The following TBC1D5 variants were observed in gnomAD, a reference collection of about 807,000 sequenced individuals.
TBC1D5 encodes the protein TBC1 domain family member 5.
TBC1D5 carries 75 observed loss-of-function variants against 100.3 expected under a neutral mutation model. The observed-to-expected ratio is 0.75, with a 90% CI of 0.62 to 0.91. The LOEUF is 0.91. Among genes scored for constraint, TBC1D5 ranks in the 40% least tolerant of loss-of-function variants. The probability of loss-of-function intolerance (pLI) is 0.00; values close to 1 mark genes in which losing one functional copy is unlikely to be tolerated. For synonymous variants in TBC1D5, 323 were observed against 325.6 expected, an observed-to-expected ratio of 0.99 and a Z score of 0.09; for missense variants, 910 against 942.4, an observed-to-expected ratio of 0.97 and a Z score of 0.45.
chr3:17,171,052 G>GA (rs1422417498), intron 19 of TBC1D5, among the ~76,000 whole-genome samples: 2 of 152,124 alleles, frequency 1.3e-5, no homozygotes, highest in South Asian at 2.1e-4. Context: ...CACATTGCCC[G>GA]AAAAACCTGT....
chr3:17,232,467 GA>G (rs34155745), intron 17 of TBC1D5, among the ~76,000 whole-genome samples: 62,111 of 151,898 alleles, frequency 0.41, 13,385 homozygotes, highest in Middle Eastern at 0.49. Flanking sequence ...AAGCTAAAGA[GA>G]AATCATGTAG....
chr3:17,604,887 G>C (rs900152611), intron 2 of TBC1D5, among the ~76,000 whole-genome samples: 1 of 152,050 alleles, frequency 6.6e-6, no homozygotes, highest in Non-Finnish European at 1.5e-5. Flanking sequence ...TGTTGGCCAG[G>C]CTGGACTCCA....
intron 19 of TBC1D5, among the ~76,000 whole-genome samples, chr3:17,178,224 C>T (rs1288572346): frequency 7.2e-5 from 11 of 152,084 alleles, no homozygotes; most frequent in African/African-American, 2.7e-4. Context: ...CACCACCACG[C>T]CTGGCTAATT....
intron 3 of TBC1D5, among the ~76,000 whole-genome samples, chr3:17,503,185 A>C (rs924215690): frequency 6.7e-6 from 1 of 149,634 alleles, no homozygotes; most frequent in Non-Finnish European, 1.5e-5. Context: ...TTTGAACTCT[A>C]ATCTTAAATC....
chr3:17,412,463 T>C (rs1208694598), intron 4 of TBC1D5, among the ~76,000 whole-genome samples: 1 of 152,068 alleles, frequency 6.6e-6, no homozygotes, highest in Non-Finnish European at 1.5e-5. Context: ...AAAATGAAGG[T>C]TTTTTTACAA....
At chr3:17,499,500 C>G (rs137967159) in intron 3 of TBC1D5, among the ~76,000 whole-genome samples, 1,679 of 148,856 alleles carry the variant, frequency 0.011, 52 homozygotes, top group Middle Eastern at 0.031. Flanking sequence ...TTGAGACCAG[C>G]CTGGGCAACA....
At chr3:17,183,384 A>G (rs2068663340) in intron 19 of TBC1D5, among the ~76,000 whole-genome samples, 1 of 152,126 alleles carries the variant, frequency 6.6e-6, no homozygotes, top group Admixed American at 6.5e-5. Context: ...ACCAGCCAGA[A>G]CTCACTCTTG....
chr3:17,547,450 A>T (rs747255722), intron 2 of TBC1D5, among the ~76,000 whole-genome samples: 6 of 152,216 alleles, frequency 3.9e-5, no homozygotes, highest in African/African-American at 1.4e-4. Context: ...ATCTCAGAGA[A>T]TAACTAGCAA....
At chr3:17,302,895 C>A (rs2083001134) in intron 14 of TBC1D5, among the ~76,000 whole-genome samples, 1 of 152,160 alleles carries the variant, frequency 6.6e-6, no homozygotes. Context: ...TGTAACTGAA[C>A]ATCCCCACTT....
chr3:17,287,967 T>A (rs1262202191), intron 15 of TBC1D5, among the ~76,000 whole-genome samples: 1 of 152,210 alleles, frequency 6.6e-6, no homozygotes, highest in Non-Finnish European at 1.5e-5. Context: ...ATGTCTCAAA[T>A]CTCATCTTTC....
chr3:17,222,410 T>C (rs1361423413), intron 17 of TBC1D5, among the ~76,000 whole-genome samples: 2 of 152,152 alleles, frequency 1.3e-5, no homozygotes, highest in African/African-American at 4.8e-5. Flanking sequence ...ATAAAATAAA[T>C]AAGTATTTGG....
rs182870120 is a variant in TBC1D5 at position 17,259,654 on chromosome 3, G to A, written c.1246-1063C>T. ...TCTTAATAGAAAATTACCAATATGC[G>A]CAGAAATCAATCCTTGGAGACATAA... On this transcript the variant is annotated intron_variant, in intron 15 of 21. Transcript: ENST00000253692. 8.2e-4 allele frequency among the ~76,000 whole-genome samples: 119 copies of A among 144,820 alleles called. 2 individuals carry two copies. The East Asian group carries it at 0.013, about 15-fold the overall frequency.
At chr3:17,524,383 T>C (rs2096103946) in intron 2 of TBC1D5, among the ~76,000 whole-genome samples, 2 of 152,240 alleles carry the variant, frequency 1.3e-5, no homozygotes, top group Non-Finnish European at 2.9e-5. Context: ...CTAATGCATC[T>C]AACTTTTGAA....
chr3:17,223,331 C>T (rs1043581637), intron 17 of TBC1D5, among the ~76,000 whole-genome samples: 8 of 151,982 alleles, frequency 5.3e-5, no homozygotes, highest in African/African-American at 1.9e-4. Context: ...TGCCTATTCC[C>T]CCCGCAAAAA....
chr3:17,225,204 C>T (rs561396677), intron 17 of TBC1D5, among the ~76,000 whole-genome samples: 445 of 152,042 alleles, frequency 2.9e-3, no homozygotes, highest in African/African-American at 0.01. Flanking sequence ...TTTGGGAGGC[C>T]GAGGCAGGCA....
chr3:17,458,260 CCT>C (rs2095131111), intron 3 of TBC1D5, among the ~76,000 whole-genome samples: 2 of 151,970 alleles, frequency 1.3e-5, no homozygotes, highest in East Asian at 1.9e-4. Context: ...GGGTTTTTTC[CCT>C]GTTTCCATAC....
At chr3:17,715,112 G>A (rs2075110643) in intron 1 of TBC1D5, among the ~76,000 whole-genome samples, 2 of 152,212 alleles carry the variant, frequency 1.3e-5, no homozygotes, top group Admixed American at 6.5e-5. Flanking sequence ...TGCAGGATGA[G>A]TATTTTAAAA....
intron 13 of TBC1D5, among the ~76,000 whole-genome samples, chr3:17,314,474 C>T (rs1159962527): frequency 1.3e-5 from 2 of 152,134 alleles, no homozygotes; most frequent in East Asian, 3.9e-4. Flanking sequence ...CTCTCAGGAA[C>T]CTTCCCCTTT....
chr3:17,613,689 G>A (rs544652804), intron 2 of TBC1D5, among the ~76,000 whole-genome samples: 63 of 152,268 alleles, frequency 4.1e-4, no homozygotes, highest in African/African-American at 1.4e-3. Flanking sequence ...GTCTTCTTTT[G>A]AGAAGAGCCT....
Sources: gnomAD v4.1 joint callset for allele counts (sites outside exome capture counted in the v4.1 genomes callset) on GRCh38, gnomAD v4.1.1 for gene constraint, MANE v1.5 for transcripts, NCBI Gene and HGNC (gene_info 2026-07-23, HGNC 2026-07-21) for gene names.